XKR9: variants seen among roughly 807,000 people sequenced by gnomAD.
XKR9 encodes XK related 9.
A neutral mutation model predicts 32.0 loss-of-function variants in XKR9; 32 were observed. That is an observed-to-expected ratio of 1.00 (90% CI 0.76 to 1.34). The LOEUF (loss-of-function observed/expected upper bound fraction) is 1.34, where lower values mean the gene tolerates loss of function less well. XKR9 is among the 40% of genes most tolerant of loss of function. The pLI, the probability that XKR9 is intolerant of heterozygous loss-of-function variation, is 0.00. For synonymous variants in XKR9, 168 were observed against 143.4 expected (o/e 1.17, Z -1.22); for missense variants, 546 against 429.7 (o/e 1.27, Z -2.39).
chr8:70,820,843 G>T, the XKR9 span, among the ~76,000 whole-genome samples: 4 of 152,114 alleles, frequency 2.6e-5, no homozygotes, highest in African/African-American at 9.7e-5. Context: ...TGACATGTGG[G>T]GATTATGGGG....
At chr8:70,896,582 G>C in the XKR9 span, among the ~76,000 whole-genome samples, 1 of 151,352 alleles carries the variant, frequency 6.6e-6, no homozygotes, top group Non-Finnish European at 1.5e-5. Context: ...CTGTCTACAG[G>C]CTTACAAATT....
chr8:70,713,757 A>G (rs1249546487), intron 4 of XKR9, among the ~76,000 whole-genome samples: 2 of 152,162 alleles, frequency 1.3e-5, no homozygotes, highest in East Asian at 1.9e-4. Context: ...TATAGGAGAA[A>G]GGTAAAGCAA....
chr8:70,748,770 G>T (rs1033976951), intron 2 of XKR9, among the ~76,000 whole-genome samples: 1 of 152,222 alleles, frequency 6.6e-6, no homozygotes, highest in Admixed American at 6.5e-5. Context: ...GCCCAGATGA[G>T]AATTTATGGT....
intron 2 of XKR9, among the ~76,000 whole-genome samples, chr8:70,787,843 AT>A (rs1807708875): frequency 6.6e-6 from 1 of 152,052 alleles, no homozygotes; most frequent in Non-Finnish European, 1.5e-5. Context: ...TAGATTAATG[AT>A]TTTTAGTGAA....
At chr8:70,921,046 A>G in the XKR9 span, among the ~76,000 whole-genome samples, 1 of 152,210 alleles carries the variant, frequency 6.6e-6, no homozygotes, top group African/African-American at 2.4e-5. Context: ...TCCTCATTCC[A>G]TATACTCAAT....
intron 2 of XKR9, among the ~76,000 whole-genome samples, chr8:70,784,465 G>T (rs1224917346): frequency 6.6e-6 from 1 of 151,636 alleles, no homozygotes; most frequent in Non-Finnish European, 1.5e-5. Context: ...ATTGTAAGTG[G>T]GATTGTTCTC....
intron 2 of XKR9, among the ~76,000 whole-genome samples, chr8:70,782,950 ATTGC>A (rs1807636271): frequency 6.6e-6 from 1 of 152,158 alleles, no homozygotes; most frequent in South Asian, 2.1e-4. Flanking sequence ...CAGAAGTGGG[ATTGC>A]TGGATCATGG....
the XKR9 span, among the ~76,000 whole-genome samples, chr8:70,826,458 C>T: frequency 9.9e-6 from 1 of 101,018 alleles, no homozygotes; most frequent in Non-Finnish European, 2.4e-5. Context: ...TGGAAGACAT[C>T]AGTTTAATTA....
the XKR9 span, among the ~76,000 whole-genome samples, chr8:70,847,088 A>G: frequency 1.8e-4 from 27 of 152,054 alleles, no homozygotes; most frequent in Non-Finnish European, 5.9e-5. Context: ...ATCATATGTT[A>G]GGACACAAAA....
chr8:70,853,090 T>C, the XKR9 span, among the ~76,000 whole-genome samples: 1 of 152,106 alleles, frequency 6.6e-6, no homozygotes, highest in Non-Finnish European at 1.5e-5. Context: ...TCTATAATAA[T>C]TTGCAACAAC....
At chr8:70,933,911 C>T in the XKR9 span, among the ~76,000 whole-genome samples, 2 of 151,956 alleles carry the variant, frequency 1.3e-5, no homozygotes, top group South Asian at 2.1e-4. Context: ...CATACTTACC[C>T]GATTCTCATG....
At chr8:70,937,112 C>T in the XKR9 span, among the ~76,000 whole-genome samples, 5 of 151,880 alleles carry the variant, frequency 3.3e-5, no homozygotes, top group East Asian at 3.9e-4. Context: ...ACACACACCC[C>T]ACATTAACCT....
At chr8:70,857,713 T>A in the XKR9 span, among the ~76,000 whole-genome samples, 1 of 152,174 alleles carries the variant, frequency 6.6e-6, no homozygotes, top group Non-Finnish European at 1.5e-5. Context: ...GTAAAAATCC[T>A]CAATAAAATA....
chr8:70,794,785 G>A (rs1005943389), downstream of XKR9, among the ~76,000 whole-genome samples: 11 of 150,188 alleles, frequency 7.3e-5, no homozygotes, highest in Non-Finnish European at 1.6e-4. Flanking sequence ...GGATTTTTGT[G>A]TCTATATTCG....
chr8:70,682,515 T>C (rs1007560663), intron 3 of XKR9, among the ~76,000 whole-genome samples: 1 of 152,206 alleles, frequency 6.6e-6, no homozygotes, highest in Non-Finnish European at 1.5e-5. Context: ...TTGCCTTGAT[T>C]TTCAGTGTCT....
the XKR9 span, among the ~76,000 whole-genome samples, chr8:70,895,761 G>T: frequency 7.1e-6 from 1 of 141,340 alleles, no homozygotes; most frequent in South Asian, 2.2e-4. Flanking sequence ...AACGTGGGCA[G>T]ATCACTTGAG....
At chr8:70,990,769 A>G in the XKR9 span, among the ~76,000 whole-genome samples, 173 of 103,932 alleles carry the variant, frequency 1.7e-3, 1 homozygote, top group Middle Eastern at 0.015. Flanking sequence ...GAGAGAGAGA[A>G]AGAGAGAGAG....
At chr8:70,859,106 A>T in the XKR9 span, among the ~76,000 whole-genome samples, 1 of 152,176 alleles carries the variant, frequency 6.6e-6, no homozygotes, top group Non-Finnish European at 1.5e-5. Flanking sequence ...TACCCATCTG[A>T]CAAGGGATGA....
chr8:70,944,371 A>G, the XKR9 span, among the ~76,000 whole-genome samples: 1 of 152,232 alleles, frequency 6.6e-6, no homozygotes, highest in Admixed American at 6.5e-5. Flanking sequence ...GTGAGTCAAA[A>G]ACAAAACGAA....
Sources: gnomAD v4.1 joint callset for allele counts (sites outside exome capture counted in the v4.1 genomes callset) on GRCh38, gnomAD v4.1.1 for gene constraint, MANE v1.5 for transcripts, NCBI Gene and HGNC (gene_info 2026-07-23, HGNC 2026-07-21) for gene names.